Variants in SAMMSON observed in about 807,000 individuals in gnomAD.
SAMMSON encodes the protein survival associated mitochondrial melanoma specific oncogenic non-coding RNA.
At chr3:70,137,222 C>T (rs147879084) in intron 4 of SAMMSON, among the ~76,000 whole-genome samples, 140 of 152,190 alleles carry the variant, frequency 9.2e-4, no homozygotes, top group African/African-American at 3.1e-3. Context: ...GCTCTACATA[C>T]TACTTTGCAA....
chr3:70,172,845 A>T (rs1700970514), intron 4 of SAMMSON: 1 of 152,030 alleles, frequency 6.6e-6, no homozygotes, highest in African/African-American at 2.4e-5. Context: ...TTAAAAAAGA[A>T]GAGAATGATA....
intron 4 of SAMMSON, among the ~76,000 whole-genome samples, chr3:70,152,104 G>A (rs62251294): frequency 0.39 from 58,512 of 151,656 alleles, 11,844 homozygotes; most frequent in East Asian, 0.72. Flanking sequence ...GCAGGTTAGA[G>A]TAAAAATATT....
At chr3:70,054,590 C>T (rs986309920) in intron 3 of SAMMSON, among the ~76,000 whole-genome samples, 5 of 152,056 alleles carry the variant, frequency 3.3e-5, no homozygotes, top group African/African-American at 7.2e-5. Context: ...TAAACTTGAC[C>T]ATGGTCACCA....
intron 4 of SAMMSON, among the ~76,000 whole-genome samples, chr3:70,180,480 A>G (rs1359713669): frequency 6.6e-6 from 1 of 152,152 alleles, no homozygotes; most frequent in Non-Finnish European, 1.5e-5. Context: ...GTACAAACAC[A>G]CATATGTATG....
At chr3:70,234,605 A>G (rs1045503270) in intron 4 of SAMMSON, among the ~76,000 whole-genome samples, 1 of 150,882 alleles carries the variant, frequency 6.6e-6, no homozygotes, top group Non-Finnish European at 1.5e-5. Context: ...ATGCCACTGT[A>G]CTCCAGCCTG....
chr3:70,344,204 C>T (rs2106730670), intron 7 of SAMMSON, among the ~76,000 whole-genome samples: 1 of 152,198 alleles, frequency 6.6e-6, no homozygotes, highest in African/African-American at 2.4e-5. Context: ...GCCTTTTGAC[C>T]TGTCACACCT....
chr3:70,282,538 T>G (rs566010754), intron 6 of SAMMSON, among the ~76,000 whole-genome samples: 232 of 152,310 alleles, frequency 1.5e-3, no homozygotes, highest in African/African-American at 5.3e-3. Context: ...TTCATTCTAT[T>G]TTGTTGGCTT....
At chr3:70,199,147 C>T (rs1701209823) in intron 4 of SAMMSON, among the ~76,000 whole-genome samples, 2 of 152,140 alleles carry the variant, frequency 1.3e-5, no homozygotes, top group South Asian at 4.1e-4. Flanking sequence ...GTCCTTTATA[C>T]ATGCAAGGTT....
At chr3:70,135,770 G>GTTATATACATAACA (rs1454009311) in intron 4 of SAMMSON, among the ~76,000 whole-genome samples, 1 of 152,018 alleles carries the variant, frequency 6.6e-6, no homozygotes, top group Non-Finnish European at 1.5e-5. Flanking sequence ...ATGAAATTCT[G>GTTATATACATAACA]TACTTTCTAT....
At chr3:70,277,197 C>T (rs149383271) in intron 6 of SAMMSON, among the ~76,000 whole-genome samples, 15 of 152,264 alleles carry the variant, frequency 9.9e-5, no homozygotes, top group African/African-American at 3.4e-4. Context: ...GAACAATGAA[C>T]ATAGCCCGTA....
At chr3:70,228,093 A>G (rs1701525847) in intron 4 of SAMMSON, among the ~76,000 whole-genome samples, 1 of 151,992 alleles carries the variant, frequency 6.6e-6, no homozygotes, top group African/African-American at 2.4e-5. Context: ...TACTACTGTT[A>G]AAATAACATG....
exon 7 of SAMMSON, chr3:70,291,220 C>G (rs953473373): frequency 2.6e-5 from 4 of 152,148 alleles, no homozygotes; most frequent in Admixed American, 2.6e-4. Context: ...ATCAGCTCCT[C>G]CACCTACCAG....
chr3:70,216,249 CAT>C (rs1325940027), intron 4 of SAMMSON, among the ~76,000 whole-genome samples: 5 of 150,010 alleles, frequency 3.3e-5, no homozygotes, highest in Non-Finnish European at 7.4e-5. Context: ...TATATATCAA[CAT>C]AATTAGATTA....
chr3:70,249,166 A>G (rs1157427615), exon 5 of SAMMSON: 2 of 152,212 alleles, frequency 1.3e-5, no homozygotes, highest in African/African-American at 4.8e-5. Flanking sequence ...CAAGTTCTAC[A>G]TTAGGAACAC....
intron 4 of SAMMSON, among the ~76,000 whole-genome samples, chr3:70,215,240 G>A (rs954748801): frequency 3.4e-4 from 51 of 152,040 alleles, no homozygotes; most frequent in African/African-American, 1.2e-3. Context: ...GATTTTAGTG[G>A]TTTGCCCAAG....
rs192959574 is a variant in SAMMSON at position 70,164,931 on chromosome 3, A to G, written n.508-84176A>G. ...ACAAACTGCTTCTTTGCATTATTGAATTTGGCGGCATAATATTTTGAAGAA... is the reference window on the plus strand; with the variant it reads ...ACAAACTGCTTCTTTGCATTATTGAGTTTGGCGGCATAATATTTTGAAGAA... On this transcript the variant is annotated intron_variant and non_coding_transcript_variant, in intron 4 of 9. Transcript: ENST00000642114. Among the ~76,000 whole-genome samples, 103 of 152,148 alleles carry G rather than the reference A, an allele frequency of 6.8e-4. 1 individual carries two copies. The highest frequency in any genetic ancestry group is 1.7e-3 in the Admixed American group (26 of 15,244).
chr3:70,063,465 A>T (rs1219638828), intron 3 of SAMMSON, among the ~76,000 whole-genome samples: 1 of 152,028 alleles, frequency 6.6e-6, no homozygotes, highest in Non-Finnish European at 1.5e-5. Flanking sequence ...GTGTTCTGGG[A>T]GGCTAGCCCT....
intron 4 of SAMMSON, among the ~76,000 whole-genome samples, chr3:70,196,081 T>C (rs1399304380): frequency 6.6e-6 from 1 of 152,214 alleles, no homozygotes; most frequent in Non-Finnish European, 1.5e-5. Context: ...ATGAGCTGAA[T>C]CTGTTTTAAT....
At chr3:70,076,541 G>A (rs1279114007) in intron 4 of SAMMSON, among the ~76,000 whole-genome samples, 1 of 152,142 alleles carries the variant, frequency 6.6e-6, no homozygotes, top group Non-Finnish European at 1.5e-5. Context: ...GATGCAATTA[G>A]CGTGTGTGTG....
Sources: allele counts gnomAD v4.1 joint callset (sites outside exome capture counted in the v4.1 genomes callset), GRCh38; gene constraint gnomAD v4.1.1; transcripts MANE v1.5; gene names NCBI Gene and HGNC (gene_info 2026-07-23, HGNC 2026-07-21).